STAG3: variants seen among roughly 807,000 people sequenced by gnomAD.
The protein encoded by STAG3 is STAG3 cohesin complex component.
In STAG3, 101 loss-of-function variants were observed where a neutral mutation model predicts 160.7. That is an observed-to-expected ratio of 0.63 (90% CI 0.54 to 0.74). STAG3 has a LOEUF of 0.74. Among genes scored for constraint, STAG3 ranks in the 30% least tolerant of loss-of-function variants. STAG3 has a pLI of 0.00. For synonymous variants in STAG3, 519 were observed against 585.0 expected (o/e 0.89, Z 1.63); for missense variants, 1,188 against 1,517.4 (o/e 0.78, Z 3.61).
At chr7:100,211,254 T>C in intron 30 of STAG3, 69 bp downstream of exon 30, 2 of 1,525,046 alleles carry the variant, frequency 1.3e-6, no homozygotes, top group Non-Finnish European at 1.8e-6. Context: ...CATCTTGCTG[T>C]TTCTGTTTCA....
chr7:100,213,064 T>G (rs1309783115), intron 32 of STAG3: 1 of 155,490 alleles, frequency 6.4e-6, no homozygotes, highest in Non-Finnish European at 1.4e-5. Flanking sequence ...GAGGCTGAAG[T>G]CCAAGGGTTG....
chr7:100,191,257 C>T (rs186845655), intron 8 of STAG3, among the ~76,000 whole-genome samples: 6 of 152,250 alleles, frequency 3.9e-5, no homozygotes, highest in African/African-American at 1.2e-4. Context: ...TAAATCTCCC[C>T]TGGGGAACAA....
chr7:100,193,335 A>AG (rs1268050233), intron 8 of STAG3, among the ~76,000 whole-genome samples: 1 of 152,232 alleles, frequency 6.6e-6, no homozygotes. Flanking sequence ...CAGCAACTGC[A>AG]TTAGCCCCTA....
chr7:100,208,849 G>A (rs1007087151), intron 29 of STAG3, among the ~76,000 whole-genome samples: 3 of 152,164 alleles, frequency 2.0e-5, no homozygotes, highest in Non-Finnish European at 4.4e-5. Context: ...GGGGATTGCA[G>A]TCTTACAAAG....
At chr7:100,186,333 TTTG>T in intron 5 of STAG3, 37 bp downstream of exon 5, 6 of 1,530,682 alleles carry the variant, frequency 3.9e-6, no homozygotes, top group Non-Finnish European at 5.4e-6. Flanking sequence ...TTCCCAGCCT[TTTG>T]TTCCTATGTT....
rs367761240 is a variant in STAG3 at position 100,201,142 on chromosome 7, G to T, written c.2114G>T (p.Arg705Leu). ...EVYNLAATLK[R>L]LSAFYNTHDL... ...TATAATCTGGCAGCCACTCTGAAAC[G>T]CCTCTCTGCCTTCTACAAGTGAGTG... Residue 705 changes from arginine (R) to leucine (L), a missense_variant, in exon 20 of 34, where the codon CGC (arginine) becomes CTC (leucine). By Grantham distance (102) the Arg-to-Leu change is moderately radical (BLOSUM62 -2). This residue lies in a region of STAG3 where 647 missense variants were observed against 717.2 expected (regional missense o/e 0.90). Coordinates refer to ENST00000615138, the MANE Select transcript of STAG3 (RefSeq NM_001282717.2). 6.2e-7 allele frequency: 1 copy of T among 1,614,064 alleles called. No individual in the cohort carries two copies. Among genetic ancestry groups the T allele is most frequent in the African/African-American group, 1.3e-5 (1 of 74,914 alleles).
chr7:100,195,871 T>C (rs1466973197), intron 9 of STAG3, among the ~76,000 whole-genome samples: 1 of 152,256 alleles, frequency 6.6e-6, no homozygotes, highest in Non-Finnish European at 1.5e-5. Context: ...GGCTCACGCC[T>C]GTAATCCCAG....
intron 29 of STAG3, among the ~76,000 whole-genome samples, chr7:100,208,774 G>A (rs1322509694): frequency 1.3e-5 from 2 of 152,198 alleles, no homozygotes; most frequent in Non-Finnish European, 2.9e-5. Flanking sequence ...TCTTTAGAGA[G>A]TGTCAGATAG....
At chr7:100,199,128 GA>G (rs71517105) in intron 14 of STAG3, 133 bp from the exon 15 acceptor site, 54,281 of 577,394 alleles carry the variant, frequency 0.094, 2 homozygotes, top group East Asian at 0.11. Flanking sequence ...TGTCTCTATC[GA>G]AAAAAAAAAA....
intron 8 of STAG3, among the ~76,000 whole-genome samples, chr7:100,190,025 G>A (rs552022435): frequency 2.0e-5 from 3 of 152,150 alleles, no homozygotes; most frequent in South Asian, 2.1e-4. Flanking sequence ...CAGTGAACTC[G>A]CTTTAAATTC....
In STAG3 at chr7:100,197,841, A is replaced by G. The variant is rs777893703; in HGVS notation, c.1129A>G (p.Thr377Ala). Residue 377 changes from threonine to alanine, a missense_variant, in exon 11 of 34, where the codon ACC (threonine) becomes GCC (alanine). Physicochemically the swap from Thr to Ala is moderately conservative, Grantham distance 58. This residue lies in a region of STAG3 where 240 missense variants were observed against 358.1 expected (regional missense o/e 0.67). Coordinates refer to ENST00000615138, the MANE Select transcript of STAG3 (RefSeq NM_001282717.2). ...AGGGCTGTACGGTAACCGGGACCTG[A>G]CCACACGCCTGGAGCTCTTCACCAG... Reference protein sequence around the residue: ...LKGLYGNRDLTTRLELFTSRF... With the variant: ...LKGLYGNRDLATRLELFTSRF... 1 of 1,613,458 alleles carries G rather than the reference A, an allele frequency of 6.2e-7. No homozygotes were observed. Among genetic ancestry groups the G allele is most frequent in the Non-Finnish European group, 8.5e-7 (1 of 1,179,948 alleles).
chr7:100,201,761 T>C (rs994276175), intron 21 of STAG3, 25 bp from the exon 22 acceptor site: 1 of 1,612,350 alleles, frequency 6.2e-7, no homozygotes. Context: ...CCAAACCTCA[T>C]TTTTCAAACC....
At position 100,211,161 on chromosome 7, in the gene STAG3, G is replaced by A; in HGVS notation, c.3389G>A (p.Gly1130Asp). 6.3e-7 allele frequency: 1 copy of A among 1,592,126 alleles called. No individual in the cohort carries two copies. Among genetic ancestry groups the A allele is most frequent in the Non-Finnish European group, 8.5e-7 (1 of 1,169,704 alleles). ...TTGAAAGAGATGGAGGAAGAAGATG[G>A]CTCAGAGTTGGATTTTGCCCAGGGG... Reference protein sequence around the residue: ...WGLKEMEEEDGSELDFAQGSQ... With the variant: ...WGLKEMEEEDDSELDFAQGSQ... The change falls in exon 30 of 34, where the codon GGC becomes GAC. Residue 1130 changes from glycine (G) to aspartate (D), a missense_variant. Around this residue, in one of 4 missense-constraint regions of STAG3, gnomAD observed 647 missense variants for 717.2 expected, o/e 0.90. Transcript: ENST00000615138.
downstream of STAG3, chr7:100,218,168 A>G (rs374258017): frequency 0.024 from 3,568 of 146,518 alleles, 82 homozygotes; most frequent in East Asian, 0.044. Flanking sequence ...CTGTCCGGGC[A>G]TGACAGAGGG....
At chr7:100,198,010 G>C (rs1584711994) in intron 11 of STAG3, 77 bp from the exon 12 acceptor site, 1 of 1,551,048 alleles carries the variant, frequency 6.4e-7, no homozygotes, top group South Asian at 1.1e-5. Context: ...ACTCTCTTTA[G>C]GAGTCTCTGA....
chr7:100,182,496 G>A (rs1447296921), intron 3 of STAG3, among the ~76,000 whole-genome samples: 3 of 152,064 alleles, frequency 2.0e-5, no homozygotes, highest in Non-Finnish European at 4.4e-5. Context: ...AAGGACGTTA[G>A]GATGTAGAGA....
downstream of STAG3, chr7:100,218,649 A>G (rs1636986): frequency 0.64 from 228,662 of 354,540 alleles, 88,696 homozygotes; most frequent in Middle Eastern, 0.85. Flanking sequence ...TAGGTAAGTC[A>G]CCGCATCCTT....
At chr7:100,202,657 A>G (rs1801248965) in intron 25 of STAG3, 67 bp downstream of exon 25, 21 of 1,563,614 alleles carry the variant, frequency 1.3e-5, no homozygotes, top group Non-Finnish European at 1.6e-5. Context: ...ACTTGGAAAC[A>G]TAATAGCACT....
rs1315310360 is a variant in STAG3, at chr7:100,205,046, G to T, written c.2993G>T (p.Gly998Val). The change falls in exon 28 of 34, where the codon GGC becomes GTC. Residue 998 changes from glycine (G) to valine (V), a missense_variant. Gly to Val is a moderately radical substitution (Grantham distance 109). Coordinates refer to ENST00000615138, the MANE Select transcript of STAG3 (RefSeq NM_001282717.2). ...QFSLSELPPA[G>V]SSNQPPNLAF... ...TCCTTGTCTGAGCTTCCTCCAGCTG[G>T]CTCCTCCAATCAGCCTCCAAATCTG... is the stretch of plus-strand genomic sequence containing the variant. 6.2e-7 allele frequency: 1 copy of T among 1,614,022 alleles called. No individual in the cohort carries two copies. Among genetic ancestry groups the T allele is most frequent in the African/African-American group, 1.3e-5 (1 of 74,924 alleles).
Sources: allele counts gnomAD v4.1 joint callset (sites outside exome capture counted in the v4.1 genomes callset), GRCh38; gene constraint gnomAD v4.1.1; regional missense constraint gnomAD v4.1.1; transcripts MANE v1.5; gene names NCBI Gene and HGNC (gene_info 2026-07-23, HGNC 2026-07-21).